Variants in CNTN6 observed in about 807,000 individuals in gnomAD.
CNTN6 encodes the protein contactin-6.
A neutral mutation model predicts 122.8 loss-of-function variants in CNTN6; 137 were observed. The ratio of observed to expected loss-of-function variants is 1.12; its 90% CI spans 0.97 to 1.29. The LOEUF (loss-of-function observed/expected upper bound fraction) is 1.29, where lower values mean the gene tolerates loss of function less well. Among genes scored for constraint, CNTN6 ranks in the 50% most tolerant of loss-of-function variants. The pLI is 0.00. For missense variants in CNTN6, 1,634 were observed against 1,223.4 expected (o/e 1.34, Z -5.01); for synonymous variants, 570 against 426.0 (o/e 1.34, Z -4.16).
chr3:1,195,283 T>G (rs1345638851), intron 2 of CNTN6, among the ~76,000 whole-genome samples: 1 of 152,176 alleles, frequency 6.6e-6, no homozygotes, highest in Non-Finnish European at 1.5e-5. Flanking sequence ...TCTGAAACCC[T>G]GCATGGTGGG....
chr3:1,326,374 ATGAGTTTCAAAGAGGTTAGGCTACT>A (rs1300683136), intron 9 of CNTN6, among the ~76,000 whole-genome samples: 1 of 151,844 alleles, frequency 6.6e-6, no homozygotes, highest in Non-Finnish European at 1.5e-5. Flanking sequence ...AATGAAGAAA[ATGAGTTTCAAAGAGGTTAGGCTACT>A]TGTTTAAGGT....
chr3:1,138,123 T>G (rs551332914), intron 1 of CNTN6, among the ~76,000 whole-genome samples: 1 of 152,232 alleles, frequency 6.6e-6, no homozygotes, highest in Admixed American at 6.5e-5. Flanking sequence ...CCCAGGAGAG[T>G]ATTTCAATTT....
intron 18 of CNTN6, 37 bp from the exon 19 acceptor site, chr3:1,383,256 T>A (rs749160646): frequency 6.3e-6 from 10 of 1,595,024 alleles, no homozygotes; most frequent in Non-Finnish European, 7.7e-6. Flanking sequence ...AATGAACCAC[T>A]CTGCTAAAGA....
chr3:1,095,209 A>T (rs2090459248), intron 1 of CNTN6, among the ~76,000 whole-genome samples: 1 of 152,104 alleles, frequency 6.6e-6, no homozygotes, highest in African/African-American at 2.4e-5. Context: ...GCGGTGGTTC[A>T]CACCTATAAT....
chr3:1,108,508 A>G (rs34291446), intron 1 of CNTN6, among the ~76,000 whole-genome samples: 24 of 152,130 alleles, frequency 1.6e-4, no homozygotes, highest in African/African-American at 5.5e-4. Context: ...TTGGTGCTCA[A>G]AAAATTGTAG....
chr3:1,264,526 C>T (rs988119779), intron 4 of CNTN6, among the ~76,000 whole-genome samples: 1 of 151,750 alleles, frequency 6.6e-6, no homozygotes, highest in Admixed American at 6.6e-5. Flanking sequence ...TGACTGTAAC[C>T]TATAACTTAA....
chr3:1,290,243 T>C (rs1695108368), intron 5 of CNTN6, among the ~76,000 whole-genome samples: 1 of 152,252 alleles, frequency 6.6e-6, no homozygotes, highest in Non-Finnish European at 1.5e-5. Context: ...TCCCTGCTAA[T>C]ATTAGCAATA....
At chr3:1,354,368 CAAAA>C (rs71056334) in intron 12 of CNTN6, among the ~76,000 whole-genome samples, 9 of 121,642 alleles carry the variant, frequency 7.4e-5, no homozygotes, top group African/African-American at 2.7e-4. Context: ...GCTCAGTTAA[CAAAA>C]AAAAAAAAAA....
At chr3:1,355,289 G>A (rs1166260382) in intron 12 of CNTN6, among the ~76,000 whole-genome samples, 2 of 151,546 alleles carry the variant, frequency 1.3e-5, no homozygotes, top group Non-Finnish European at 3.0e-5. Context: ...AAGAAAAACA[G>A]CCTTAGAAAG....
intron 5 of CNTN6, among the ~76,000 whole-genome samples, chr3:1,283,262 C>T (rs531768039): frequency 3.9e-5 from 6 of 152,096 alleles, no homozygotes; most frequent in South Asian, 4.2e-4. Context: ...GCCCACAAAA[C>T]TTATTTAGTA....
intron 2 of CNTN6, among the ~76,000 whole-genome samples, chr3:1,212,477 ATG>A (rs1194494648): frequency 1.3e-5 from 2 of 148,688 alleles, no homozygotes; most frequent in African/African-American, 4.9e-5. Flanking sequence ...ATACACATAC[ATG>A]TGTGTGTATA....
intron 5 of CNTN6, among the ~76,000 whole-genome samples, chr3:1,293,494 G>T (rs1057018741): frequency 6.6e-6 from 1 of 151,940 alleles, no homozygotes; most frequent in African/African-American, 2.4e-5. Flanking sequence ...TGTTTCAGGT[G>T]GTCTCTTCCC....
intron 1 of CNTN6, among the ~76,000 whole-genome samples, chr3:1,102,590 G>T (rs368642589): frequency 1.4e-5 from 2 of 145,678 alleles, no homozygotes; most frequent in Admixed American, 6.7e-5. Flanking sequence ...TGAGCCGGGC[G>T]TGGTGGCGGC....
At position 1,329,785 on chromosome 3, in the gene CNTN6, C is replaced by A; in HGVS notation, c.1214C>A (p.Ala405Asp). Residue 405 changes from alanine (A) to aspartate (D), a missense_variant and splice_region_variant, in exon 11 of 23, where the codon GCC becomes GAC. Physicochemically the swap from Ala to Asp is moderately radical, Grantham distance 126. Coordinates refer to ENST00000446702, the MANE Select transcript of CNTN6 (RefSeq NM_001289080.2). ...IYANAELRVL[A>D]SAPDFSKSPV... ...ATTTTGTCTTTGATTTTGTTTTTAG[C>A]CTCAGCTCCAGATTTCTCCAAAAGT... is the stretch of plus-strand genomic sequence containing the variant. 6.2e-7 allele frequency: 1 copy of A among 1,604,160 alleles called. No individual in the cohort carries two copies. The highest frequency in any genetic ancestry group is 8.5e-7 in the Non-Finnish European group (1 of 1,175,802).
Position 1,157,816 on chromosome 3 carries a change from T to C in CNTN6, c.55+9753T>C, listed in dbSNP as rs578228526. On this transcript the variant is annotated intron_variant, in intron 2 of 22. Transcript: ENST00000446702. ...CCAGTTCCATCCATGTTGTTTCAAA[T>C]GGCAGAATCTGGTTCTTTTTTATGA... is the stretch of plus-strand genomic sequence containing the variant. Among the ~76,000 whole-genome samples, 4 of 152,348 alleles carry C rather than the reference T, an allele frequency of 2.6e-5. No homozygotes were observed. In the East Asian group the frequency reaches 5.8e-4, roughly 22 times the overall value.
intron 11 of CNTN6, among the ~76,000 whole-genome samples, chr3:1,351,314 G>T (rs765718974): frequency 2.6e-4 from 39 of 151,862 alleles, no homozygotes; most frequent in Non-Finnish European, 7.4e-5. Context: ...TAATGGATAT[G>T]GCATGCATGC....
At chr3:1,247,707 T>C (rs2094601898) in intron 4 of CNTN6, among the ~76,000 whole-genome samples, 1 of 152,204 alleles carries the variant, frequency 6.6e-6, no homozygotes. Context: ...TGAACCTGCA[T>C]CAAGAGCAGT....
chr3:1,372,830 G>C lies in CNTN6; in HGVS notation c.1669-8G>C. 3 of 1,530,512 alleles carry C rather than the reference G, an allele frequency of 2.0e-6. No individual in the cohort carries two copies. In the South Asian group the frequency reaches 3.5e-5, roughly 18 times the overall value. 94.8% of individuals were successfully genotyped at this position (1,530,512 alleles called of 1,614,324 possible). On this transcript the variant is annotated splice_region_variant and splice_polypyrimidine_tract_variant and intron_variant, in intron 13 of 22. Coordinates refer to ENST00000446702, the MANE Select transcript of CNTN6 (RefSeq NM_001289080.2). The stretch of plus-strand genomic sequence containing the variant: ...CGTTTTTATCCATTTCTCCCTTTCT[G>C]TCTGCAGGAATCTGTTGGGGATTTG...
At position 1,383,043 on chromosome 3, in the gene CNTN6, G is replaced by A. The variant is rs1692166141; in HGVS notation, c.2268G>A (p.Val756=). The part of the protein sequence containing the change: ...TTWSKEKVSS[V]ESSRFVYRNE... ...GGTCCAAGGAGAAAGTGTCATCTGT[G>A]GAATCATCAAGGTTTGTCTACAGAA... Residue 756 remains valine (V), a synonymous_variant, in exon 18 of 23, where the codon GTG becomes GTA. Coordinates refer to ENST00000446702, the MANE Select transcript of CNTN6 (RefSeq NM_001289080.2). The A allele has an allele frequency of 2.5e-6, 4 of 1,613,992 alleles. No individual in the cohort carries two copies. The East Asian group carries it at 8.9e-5, about 36-fold the overall frequency.
Sources: allele counts gnomAD v4.1 joint callset (sites outside exome capture counted in the v4.1 genomes callset), GRCh38; gene constraint gnomAD v4.1.1; transcripts MANE v1.5; gene names NCBI Gene and HGNC (gene_info 2026-07-23, HGNC 2026-07-21).